RBFOX1: variants seen among roughly 807,000 people sequenced by gnomAD.
RBFOX1 encodes RNA binding protein fox-1 homolog 1.
A neutral mutation model predicts 57.7 loss-of-function variants in RBFOX1; 8 were observed. The observed-to-expected ratio is 0.14, with a 90% confidence interval of 0.08 to 0.25. The LOEUF is 0.25. RBFOX1 is among the 10% of genes least tolerant of loss of function. The pLI, the probability that RBFOX1 is intolerant of heterozygous loss-of-function variation, is 1.00. For missense variants in RBFOX1, 611 were observed against 548.5 expected (o/e 1.11, Z -1.14); for synonymous variants, 326 against 222.4 (o/e 1.47, Z -4.15).
chr16:5,258,420 A>AG (rs948891810), intron 1 of RBFOX1, among the ~76,000 whole-genome samples: 2 of 67,940 alleles, frequency 2.9e-5, no homozygotes, highest in African/African-American at 1.4e-4. Flanking sequence ...GGCATTTTTT[A>AG]TATGATCATT....
intron 4 of RBFOX1, among the ~76,000 whole-genome samples, chr16:7,187,605 T>A (rs1412242173): frequency 7.2e-6 from 1 of 139,272 alleles, no homozygotes; most frequent in African/African-American, 2.7e-5. Context: ...AGGAGAATGG[T>A]GTGAACCCGG....
At chr16:5,905,793 C>A (rs2058442329) in intron 4 of RBFOX1, among the ~76,000 whole-genome samples, 1 of 152,312 alleles carries the variant, frequency 6.6e-6, no homozygotes, top group African/African-American at 2.4e-5. Context: ...TTCCATCCTC[C>A]TGAAGGGTGA....
intron 4 of RBFOX1, among the ~76,000 whole-genome samples, chr16:7,230,253 C>G (rs1603403658): frequency 6.6e-6 from 1 of 151,806 alleles, no homozygotes; most frequent in Non-Finnish European, 1.5e-5. Context: ...AGTAAAAACC[C>G]AAACAAAATA....
intron 2 of RBFOX1, among the ~76,000 whole-genome samples, chr16:6,639,944 C>T (rs1398098195): frequency 2.0e-5 from 3 of 152,066 alleles, no homozygotes; most frequent in Non-Finnish European, 4.4e-5. Flanking sequence ...ATTTTGACCC[C>T]TAACTATGTG....
At chr16:6,950,446 C>G (rs1019008638) in intron 3 of RBFOX1, among the ~76,000 whole-genome samples, 1 of 152,120 alleles carries the variant, frequency 6.6e-6, no homozygotes, top group Non-Finnish European at 1.5e-5. Flanking sequence ...AGTTTGGTAT[C>G]CTAGTGCCTG....
intron 2 of RBFOX1, among the ~76,000 whole-genome samples, chr16:5,581,631 T>C (rs2046669672): frequency 6.6e-6 from 1 of 152,222 alleles, no homozygotes; most frequent in African/African-American, 2.4e-5. Context: ...AGGTGATGTC[T>C]GGACTTTGAC....
At chr16:7,241,335 C>T (rs1367787513) in intron 4 of RBFOX1, among the ~76,000 whole-genome samples, 1 of 152,124 alleles carries the variant, frequency 6.6e-6, no homozygotes, top group Admixed American at 6.6e-5. Flanking sequence ...AAGCAGGTCA[C>T]CTCCTGGCCC....
At chr16:7,262,310 T>C (rs1234654577) in intron 4 of RBFOX1, among the ~76,000 whole-genome samples, 1 of 121,874 alleles carries the variant, frequency 8.2e-6, no homozygotes, top group Non-Finnish European at 1.8e-5. Flanking sequence ...TGCCCATTTC[T>C]CTATTTTTTT....
At chr16:6,528,169 G>T (rs1195982307) in intron 2 of RBFOX1, among the ~76,000 whole-genome samples, 2 of 151,884 alleles carry the variant, frequency 1.3e-5, no homozygotes, top group Admixed American at 6.6e-5. Context: ...TTTGTCTTCG[G>T]CACTTTTATC....
chr16:6,079,664 G>A (rs117279520), intron 1 of RBFOX1, among the ~76,000 whole-genome samples: 31 of 152,028 alleles, frequency 2.0e-4, no homozygotes, highest in African/African-American at 4.8e-4. Context: ...GGGAGACCCC[G>A]TTTCTACAAA....
At chr16:6,230,438 G>C (rs796147792) in intron 1 of RBFOX1, among the ~76,000 whole-genome samples, 21 of 152,172 alleles carry the variant, frequency 1.4e-4, no homozygotes, top group African/African-American at 4.1e-4. Flanking sequence ...TGCTCAGAAT[G>C]GAAGGTCAGA....
chr16:7,518,602 T>G (rs1243992580), intron 5 of RBFOX1, among the ~76,000 whole-genome samples: 2 of 152,250 alleles, frequency 1.3e-5, no homozygotes, highest in Non-Finnish European at 2.9e-5. Flanking sequence ...TTAATTAATT[T>G]CATTTATTTG....
At chr16:7,586,299 C>T (rs1178562396) in intron 6 of RBFOX1, among the ~76,000 whole-genome samples, 1 of 152,146 alleles carries the variant, frequency 6.6e-6, no homozygotes, top group Non-Finnish European at 1.5e-5. Context: ...TCTCAGAAAA[C>T]TGAAAAAATT....
intron 3 of RBFOX1, among the ~76,000 whole-genome samples, chr16:7,036,202 A>ATTT (rs35241664): frequency 6.9e-6 from 1 of 145,816 alleles, no homozygotes; most frequent in Non-Finnish European, 1.5e-5. Flanking sequence ...TCACCTTGAC[A>ATTT]TTTTTTTTTT....
At chr16:5,787,837 T>C (rs959758873) in intron 3 of RBFOX1, among the ~76,000 whole-genome samples, 8 of 152,072 alleles carry the variant, frequency 5.3e-5, no homozygotes, top group African/African-American at 1.9e-4. Context: ...GCAAACAAAG[T>C]TGGAAAGGAA....
At chr16:6,261,563 C>A (rs1281723714) in intron 1 of RBFOX1, among the ~76,000 whole-genome samples, 1 of 152,212 alleles carries the variant, frequency 6.6e-6, no homozygotes, top group Non-Finnish European at 1.5e-5. Flanking sequence ...GGGAATCGAG[C>A]CTTCTCAGCC....
chr16:7,071,538 C>G (rs2057332501), intron 4 of RBFOX1, among the ~76,000 whole-genome samples: 1 of 151,762 alleles, frequency 6.6e-6, no homozygotes, highest in African/African-American at 2.4e-5. Flanking sequence ...AACTTGATCA[C>G]AAATTGTTGT....
At chr16:7,303,888 C>A (rs1472592785) in intron 4 of RBFOX1, among the ~76,000 whole-genome samples, 1 of 144,238 alleles carries the variant, frequency 6.9e-6, no homozygotes, top group Non-Finnish European at 1.5e-5. Context: ...CCCTCCCATT[C>A]AGCCTCTTCG....
In RBFOX1 at chr16:5,944,672, C is replaced by T. The variant is rs190317949; in HGVS notation, c.351+77337C>T. On this transcript the variant is annotated intron_variant, in intron 4 of 19. Transcript: ENST00000641259. ...AAGTCCCTTAAGAGAAAGCTATTCT[C>T]GGCCAGGTGTGGTGGCTCACGCCTG... is the stretch of plus-strand genomic sequence containing the variant. Among the ~76,000 whole-genome samples the T allele has an allele frequency of 6.5e-3, 983 of 151,152 alleles. 10 individuals are homozygous for T. Among genetic ancestry groups the T allele is most frequent in the South Asian group, 0.013 (60 of 4,750 alleles).
Sources: allele counts gnomAD v4.1 joint callset (sites outside exome capture counted in the v4.1 genomes callset), GRCh38; gene constraint gnomAD v4.1.1; transcripts MANE v1.5; gene names NCBI Gene and HGNC (gene_info 2026-07-23, HGNC 2026-07-21).